TTC6: variants seen among roughly 807,000 people sequenced by gnomAD.
TTC6 encodes tetratricopeptide repeat domain 6.
In TTC6, 172 loss-of-function variants were observed where a neutral mutation model predicts 210.4. The observed-to-expected ratio is 0.82, with a 90% CI of 0.72 to 0.93. TTC6 has a LOEUF of 0.93. Among genes scored for constraint, TTC6 ranks in the 40% least tolerant of loss-of-function variants. The pLI is 0.00. For synonymous variants in TTC6, 804 were observed against 819.6 expected, an observed-to-expected ratio of 0.98 and a Z score of 0.32; for missense variants, 2,414 against 2,318.1, an observed-to-expected ratio of 1.04 and a Z score of -0.85.
At chr14:37,789,583 A>G (rs971031702) in intron 15 of TTC6, among the ~76,000 whole-genome samples, 18 of 110,656 alleles carry the variant, frequency 1.6e-4, no homozygotes, top group African/African-American at 6.4e-4. Context: ...GTGTTGGGAC[A>G]TTTGGTTTCC....
At chr14:37,612,534 C>G (rs1248483852) in intron 2 of TTC6, among the ~76,000 whole-genome samples, 3 of 151,972 alleles carry the variant, frequency 2.0e-5, no homozygotes, top group Non-Finnish European at 4.4e-5. Flanking sequence ...ATTTAAAAAC[C>G]TGCTGTATTT....
At chr14:37,837,604 T>C (rs2096200815) in intron 29 of TTC6, 1 of 259,102 alleles carries the variant, frequency 3.9e-6, no homozygotes, top group Admixed American at 5.4e-5. Flanking sequence ...AATAATTGAT[T>C]GAGTCCTTAC....
At chr14:37,679,091 T>C (rs1409299356) in intron 1 of TTC6, among the ~76,000 whole-genome samples, 2 of 152,074 alleles carry the variant, frequency 1.3e-5, no homozygotes, top group African/African-American at 4.8e-5. Flanking sequence ...CGTTGTGGTA[T>C]GCACTTTGTA....
chr14:37,657,287 G>A (rs1425526160), intron 1 of TTC6, among the ~76,000 whole-genome samples: 1 of 147,752 alleles, frequency 6.8e-6, no homozygotes, highest in Non-Finnish European at 1.5e-5. Flanking sequence ...GAGTGTTTAA[G>A]GAGTGGCATT....
chr14:37,710,396 A>G (rs2095842745), intron 5 of TTC6, among the ~76,000 whole-genome samples: 1 of 152,112 alleles, frequency 6.6e-6, no homozygotes, highest in Non-Finnish European at 1.5e-5. Flanking sequence ...ATGTTTTCCA[A>G]ACTTCTTTAA....
At chr14:37,674,645 A>G (rs1486450478) in intron 1 of TTC6, among the ~76,000 whole-genome samples, 1 of 152,172 alleles carries the variant, frequency 6.6e-6, no homozygotes, top group Non-Finnish European at 1.5e-5. Context: ...CAACCGCTTT[A>G]TCATTCCACC....
intron 1 of TTC6, among the ~76,000 whole-genome samples, chr14:37,600,207 G>A (rs151236674): frequency 6.6e-6 from 1 of 152,278 alleles, no homozygotes; most frequent in African/African-American, 2.4e-5. Flanking sequence ...CCACAGACTT[G>A]GCAGGGTGCT....
chr14:37,762,882 C>CT (rs369694046), intron 14 of TTC6, among the ~76,000 whole-genome samples: 1,962 of 129,528 alleles, frequency 0.015, 31 homozygotes, highest in African/African-American at 0.037. Context: ...CTTTTCTTTT[C>CT]TTTTTTTTTT....
intron 6 of TTC6, among the ~76,000 whole-genome samples, chr14:37,724,608 G>A (rs1170190142): frequency 2.0e-5 from 3 of 152,082 alleles, no homozygotes; most frequent in African/African-American, 4.8e-5. Flanking sequence ...TATATAGCTG[G>A]AAGTTAAATT....
chr14:37,765,438 C>T (rs1487303419), intron 14 of TTC6, among the ~76,000 whole-genome samples: 2 of 151,164 alleles, frequency 1.3e-5, no homozygotes, highest in Non-Finnish European at 2.9e-5. Context: ...ACTTTGTGAT[C>T]CTGAAGTGCT....
chr14:37,776,456 C>A (rs2096037884), intron 14 of TTC6, among the ~76,000 whole-genome samples: 1 of 152,030 alleles, frequency 6.6e-6, no homozygotes, highest in Non-Finnish European at 1.5e-5. Flanking sequence ...TTGTAATGGT[C>A]TTTCCTTTCC....
At chr14:37,777,793 G>A (rs1379043629) in intron 14 of TTC6, among the ~76,000 whole-genome samples, 1 of 115,190 alleles carries the variant, frequency 8.7e-6, no homozygotes, top group Non-Finnish European at 1.8e-5. Context: ...TTTTTTTGAT[G>A]CTTTTATCTT....
intron 27 of TTC6, among the ~76,000 whole-genome samples, chr14:37,825,917 A>T (rs2096170071): frequency 6.6e-6 from 1 of 152,052 alleles, no homozygotes; most frequent in African/African-American, 2.4e-5. Context: ...CATGGTGGCT[A>T]TGATTTTATG....
rs2095786522 is a variant in TTC6, at chr14:37,682,696, C to T, written c.1051-62C>T. 32 of 1,394,608 alleles carry T rather than the reference C, an allele frequency of 2.3e-5. No individual in the cohort carries two copies. In the South Asian group the frequency reaches 3.9e-4, roughly 17 times the overall value. The allele number at this position is 1,394,608 out of a possible 1,614,324, so 86.4% of individuals were successfully genotyped here. On this transcript the variant is annotated intron_variant, in intron 2 of 30. Transcript: ENST00000553443. The stretch of plus-strand genomic sequence containing the variant: ...TTGTCAGATAGAAACTGTTGCATCA[C>T]TGAAAAGCCTAGAAGGACCAATAAA...
chr14:37,726,353 C>G (rs1242338089), intron 7 of TTC6, among the ~76,000 whole-genome samples: 1 of 152,098 alleles, frequency 6.6e-6, no homozygotes, highest in Non-Finnish European at 1.5e-5. Context: ...CAATTTATCT[C>G]CTAGCTTTCC....
intron 15 of TTC6, among the ~76,000 whole-genome samples, chr14:37,789,596 T>TTTTA (rs1555400189): frequency 3.0e-5 from 4 of 134,498 alleles, no homozygotes; most frequent in African/African-American, 1.1e-4. Flanking sequence ...TGGTTTCCTC[T>TTTTA]TATATATATA....
rs577094158 is a variant in TTC6, at chr14:37,731,855, T to A, written c.1819-4066T>A. On this transcript the variant is annotated intron_variant, in intron 7 of 30. Coordinates refer to ENST00000553443, the Ensembl canonical transcript of TTC6. ...GAAAACAAATACAGTTGGATTTTTT[T>A]TGTTTTTTAATTGGACCTATTTAAA... is the stretch of plus-strand genomic sequence containing the variant. 8.9e-4 allele frequency among the ~76,000 whole-genome samples: 135 copies of A among 152,212 alleles called. 1 individual carries two copies. Among genetic ancestry groups the A allele is most frequent in the African/African-American group, 3.2e-3 (133 of 41,476 alleles).
exon 25 of TTC6, chr14:37,812,391 A>T (rs758201364): frequency 5.6e-6 from 9 of 1,613,406 alleles, no homozygotes; most frequent in Non-Finnish European, 7.6e-6. Flanking sequence ...TTAATCGTGG[A>T]CTCATCTACG....
intron 1 of TTC6, among the ~76,000 whole-genome samples, chr14:37,659,460 T>C (rs2139455730): frequency 6.6e-6 from 1 of 152,258 alleles, no homozygotes; most frequent in South Asian, 2.1e-4. Flanking sequence ...TTTTTTCGAC[T>C]TTTTTAATAA....
Sources: gnomAD v4.1 joint callset for allele counts (sites outside exome capture counted in the v4.1 genomes callset) on GRCh38, gnomAD v4.1.1 for gene constraint, MANE v1.5 for transcripts, NCBI Gene and HGNC (gene_info 2026-07-23, HGNC 2026-07-21) for gene names.